NOMO2: variants seen among roughly 807,000 people sequenced by gnomAD.
NOMO2 encodes NODAL modulator 2, also known as BOS complex subunit NOMO2.
In NOMO2, 14 loss-of-function variants were observed where a neutral mutation model predicts 67.1. That is an observed-to-expected ratio of 0.21 (90% CI 0.14 to 0.33). The LOEUF is 0.33. Ranked by LOEUF, NOMO2 falls within the 10% of genes least tolerant of loss-of-function variation. The pLI is 1.00. For missense variants in NOMO2, 178 were observed against 761.0 expected, an observed-to-expected ratio of 0.23 and a Z score of 9.01; for synonymous variants, 80 against 305.9, an observed-to-expected ratio of 0.26 and a Z score of 7.71.
intron 12 of NOMO2, 86 bp from the exon 13 acceptor site, chr16:18,531,693 A>C: frequency 6.3e-7 from 1 of 1,589,554 alleles, no homozygotes; most frequent in Admixed American, 1.8e-5. Context: ...TTCATCTGGG[A>C]CTAAGGCTAA....
intron 11 of NOMO2, among the ~76,000 whole-genome samples, chr16:18,534,169 C>T (rs2057018512): frequency 6.6e-6 from 1 of 151,814 alleles, no homozygotes; most frequent in African/African-American, 2.4e-5. Flanking sequence ...TATGTGAAAT[C>T]TAGGAATCAT....
At chr16:18,560,748 G>C (rs1182067855) in intron 1 of NOMO2, among the ~76,000 whole-genome samples, 1 of 151,748 alleles carries the variant, frequency 6.6e-6, no homozygotes, top group Admixed American at 6.6e-5. Flanking sequence ...CCTAGAGCAA[G>C]GGCAGGTCGC....
Position 18,529,316 on chromosome 16 carries a change from G to C in NOMO2, c.1806+185C>G. 5.8e-6 allele frequency: 4 copies of C among 692,718 alleles called. No individual in the cohort carries two copies. In the South Asian group the frequency reaches 7.3e-5, roughly 13 times the overall value. The allele number at this position is 692,718 out of a possible 1,614,324, so 42.9% of individuals were successfully genotyped here. The stretch of plus-strand genomic sequence containing the variant: ...GGACAAGGAAACCTCCTAAATACAG[G>C]GGTCCTTCCACTGAGAGAGTATAAA... On this transcript the variant is annotated intron_variant, in intron 15 of 30. Transcript: ENST00000622306.
At position 18,561,984 on chromosome 16, in the gene NOMO2, C is replaced by G. The variant is rs1319338828; in HGVS notation, c.57G>C (p.Val19=). ...GCCCCACGCCGCTCAGCAGCAGCACCACCGCGGCGGTGACCACCGCGGGCC... is the reference window on the plus strand; with the variant it reads ...GCCCCACGCCGCTCAGCAGCAGCACGACCGCGGCGGTGACCACCGCGGGCC... ...LLGPAVVTAA[V]VLLLSGVGPA... The change falls in exon 1 of 31, where the codon GTG becomes GTC. Residue 19 remains valine, a synonymous_variant. Transcript: ENST00000622306. 2 of 1,561,182 alleles carry G rather than the reference C, an allele frequency of 1.3e-6. No individual in the cohort carries two copies. The highest frequency in any genetic ancestry group is 4.8e-5 in the East Asian group (2 of 41,630).
chr16:18,537,050 G>A (rs567826642), intron 11 of NOMO2, among the ~76,000 whole-genome samples: 2 of 152,064 alleles, frequency 1.3e-5, no homozygotes, highest in South Asian at 2.1e-4. Context: ...TGGGCCACCT[G>A]GCACTCTGTT....
At chr16:18,554,393 G>C (rs1404392636) in intron 3 of NOMO2, among the ~76,000 whole-genome samples, 2 of 151,636 alleles carry the variant, frequency 1.3e-5, no homozygotes, top group African/African-American at 4.8e-5. Context: ...ACATAAATCT[G>C]GATTTTTATG....
chr16:18,559,325 TCA>T (rs924425640), intron 1 of NOMO2, among the ~76,000 whole-genome samples: 3 of 151,686 alleles, frequency 2.0e-5, no homozygotes, highest in African/African-American at 4.9e-5. Flanking sequence ...ACTCTGAGGC[TCA>T]GTTTCCATGT....
intron 15 of NOMO2, among the ~76,000 whole-genome samples, chr16:18,528,978 AAAAAAAAAAAATACAT>A (rs1901219672): frequency 9.7e-6 from 1 of 102,738 alleles, no homozygotes; most frequent in African/African-American, 3.4e-5. Context: ...AAAAAAAAAA[AAAAAAAAAAAATACAT>A]ATATATATAT....
chr16:18,547,510 G>T (rs1901680066), intron 5 of NOMO2, among the ~76,000 whole-genome samples: 1 of 151,982 alleles, frequency 6.6e-6, no homozygotes, highest in Non-Finnish European at 1.5e-5. Context: ...GTCAAGAGGG[G>T]TGCTCCATGT....
intron 1 of NOMO2, among the ~76,000 whole-genome samples, chr16:18,561,173 TAAAAA>T (rs756246897): frequency 1.6e-3 from 53 of 32,454 alleles, no homozygotes; most frequent in Middle Eastern, 0.062. Context: ...ACAACTTAAT[TAAAAA>T]AAAAAAAAAA....
intron 11 of NOMO2, among the ~76,000 whole-genome samples, chr16:18,537,182 T>A (rs1287778853): frequency 6.6e-6 from 1 of 152,102 alleles, no homozygotes; most frequent in South Asian, 2.1e-4. Flanking sequence ...CTCCACCTAG[T>A]GGTCCTACAG....
At chr16:18,547,542 T>G (rs1229769196) in intron 5 of NOMO2, among the ~76,000 whole-genome samples, 1 of 152,040 alleles carries the variant, frequency 6.6e-6, no homozygotes, top group Non-Finnish European at 1.5e-5. Flanking sequence ...AGAGGAGTGC[T>G]TACGTCTCCC....
At chr16:18,560,660 T>C (rs1342773236) in intron 1 of NOMO2, among the ~76,000 whole-genome samples, 2 of 151,740 alleles carry the variant, frequency 1.3e-5, no homozygotes, top group Non-Finnish European at 2.9e-5. Context: ...AGATCACGGA[T>C]CCGCTTGTTA....
At position 18,562,056 on chromosome 16, in the gene NOMO2, A is replaced by G. The variant is rs1018392695; in HGVS notation, c.-16T>C. The G allele has an allele frequency of 1.4e-5, 20 of 1,437,630 alleles. 1 individual carries two copies. The African/African-American group carries it at 2.2e-4, about 16-fold the overall frequency. 89.1% of individuals were successfully genotyped at this position (1,437,630 alleles called of 1,614,324 possible). A position where few individuals can be genotyped will look rare whatever the true frequency, so the allele number is the denominator to read the frequency against. On this transcript the variant is annotated 5_prime_UTR_variant, in exon 1 of 31. Coordinates refer to ENST00000622306, the MANE Select transcript of NOMO2 (RefSeq NM_173614.4). ...CCACCAGCATGGCCCGACCTCCCCCAGCTAGACCCACCGCCGGCAGCCGGG... is the reference window on the plus strand; with the variant it reads ...CCACCAGCATGGCCCGACCTCCCCCGGCTAGACCCACCGCCGGCAGCCGGG...
In NOMO2 at chr16:18,533,118, T is replaced by C. The variant is rs141351644; in HGVS notation, c.1282A>G (p.Lys428Glu). The change falls in exon 12 of 31, where the codon AAA becomes GAA. Residue 428 changes from lysine to glutamate, a missense_variant. Physicochemically the swap from Lys to Glu is moderately conservative, Grantham distance 56 (BLOSUM62 1). Coordinates refer to ENST00000622306, the MANE Select transcript of NOMO2 (RefSeq NM_173614.4). ...TGAGATGACAGGACAACTTTGTATT[T>C]ATTCATCTGCTTGACGGTGTCCGGG... Reference protein sequence around the residue: ...RFPDTVKQMNKYKVVLSSQDK... With the variant: ...RFPDTVKQMNEYKVVLSSQDK... 8.3e-5 allele frequency: 133 copies of C among 1,611,436 alleles called. 1 individual carries two copies. The African/African-American group carries it at 1.6e-3, about 19-fold the overall frequency.
intron 15 of NOMO2, 104 bp downstream of exon 15, chr16:18,529,397 A>T (rs1567238893): frequency 6.2e-7 from 1 of 1,610,326 alleles, no homozygotes; most frequent in African/African-American, 1.3e-5. Context: ...CAGAAAAGGA[A>T]ATCTGACTTG....
At chr16:18,535,444 T>C (rs1392051231) in intron 11 of NOMO2, among the ~76,000 whole-genome samples, 3 of 152,088 alleles carry the variant, frequency 2.0e-5, no homozygotes, top group Non-Finnish European at 4.4e-5. Context: ...TTTCTTTCTT[T>C]GACCCAAATA....
At chr16:18,535,398 AAAG>A (rs1901395814) in intron 11 of NOMO2, among the ~76,000 whole-genome samples, 1 of 150,302 alleles carries the variant, frequency 6.7e-6, no homozygotes, top group Non-Finnish European at 1.5e-5. Context: ...CCAATAAAAA[AAAG>A]AGATTTTCCA....
At chr16:18,544,756 T>C (rs2141741891) in intron 6 of NOMO2, among the ~76,000 whole-genome samples, 1 of 152,044 alleles carries the variant, frequency 6.6e-6, no homozygotes, top group South Asian at 2.1e-4. Flanking sequence ...TAAGTTGTTC[T>C]TTTCACAATA....
Sources: gnomAD v4.1 joint callset for allele counts (sites outside exome capture counted in the v4.1 genomes callset) on GRCh38, gnomAD v4.1.1 for gene constraint, MANE v1.5 for transcripts, NCBI Gene and HGNC (gene_info 2026-07-23, HGNC 2026-07-21) for gene names.